Variants in SH3D19 observed in about 807,000 individuals in gnomAD.
SH3D19 encodes SH3 domain containing 19, also known as SH3 domain-containing protein 19.
In SH3D19, 58 loss-of-function variants were observed where a neutral mutation model predicts 112.1. The observed-to-expected ratio is 0.52, with a 90% CI of 0.42 to 0.64. The LOEUF is 0.64. Ranked by LOEUF, SH3D19 falls within the 30% of genes least tolerant of loss-of-function variation. SH3D19 has a pLI of 0.00. For synonymous variants in SH3D19, 391 were observed against 448.5 expected (o/e 0.87, Z 1.62); for missense variants, 1,090 against 1,263.4 (o/e 0.86, Z 2.08).
intron 2 of SH3D19, among the ~76,000 whole-genome samples, chr4:151,211,247 G>C (rs1199086907): frequency 2.7e-5 from 4 of 149,802 alleles, no homozygotes; most frequent in Non-Finnish European, 5.9e-5. Flanking sequence ...TCCAGCCTGG[G>C]CAACAAGAGC....
At chr4:151,255,609 A>C (rs1471343617) in intron 1 of SH3D19, among the ~76,000 whole-genome samples, 9 of 151,808 alleles carry the variant, frequency 5.9e-5, no homozygotes, top group Non-Finnish European at 8.8e-5. Context: ...GACGCTCCTC[A>C]CTTCCCAGAC....
chr4:151,203,386 T>C (rs1764669791), intron 2 of SH3D19, among the ~76,000 whole-genome samples: 2 of 152,252 alleles, frequency 1.3e-5, no homozygotes, highest in African/African-American at 2.4e-5. Flanking sequence ...TTATTTATTT[T>C]TGCAAGTAGC....
intron 1 of SH3D19, among the ~76,000 whole-genome samples, chr4:151,285,475 G>A (rs1774655944): frequency 6.6e-6 from 1 of 152,120 alleles, no homozygotes; most frequent in Admixed American, 6.6e-5. Flanking sequence ...CAAATATGTG[G>A]AAAGTAACAC....
rs1561175748 is a variant in SH3D19, at chr4:151,121,446, A to T, written c.*645T>A. 6.6e-6 allele frequency: 1 copy of T among 151,234 alleles called. No homozygotes were observed. The highest frequency in any genetic ancestry group is 2.1e-4 in the South Asian group (1 of 4,744). The allele number at this position is 151,234 out of a possible 1,614,324, so 9.4% of individuals were successfully genotyped here. ...TTTGGTTCTTTAGACTAAGTAAGAT[A>T]CATCCAATTTAGACCCCCTTCAAAT... On this transcript the variant is annotated 3_prime_UTR_variant, in exon 20 of 20. Coordinates refer to ENST00000604030, the MANE Select transcript of SH3D19 (RefSeq NM_001378122.1).
In SH3D19 at chr4:151,234,735, G is replaced by GTTT. The variant is rs541665981; in HGVS notation, c.113-8652_113-8650dup. ...GTTTTTGTTTTCTTTCCAAGTTTGTGTTTTTTTTTTTTTTTTTTTTTTTTT... is the reference window on the plus strand; with the variant it reads ...GTTTTTGTTTTCTTTCCAAGTTTGTGTTTTTTTTTTTTTTTTTTTTTTTTTTTT... On this transcript the variant is annotated intron_variant, in intron 1 of 19. Coordinates refer to ENST00000604030, the MANE Select transcript of SH3D19 (RefSeq NM_001378122.1). Among the ~76,000 whole-genome samples, 141 of 25,054 alleles carry GTTT rather than the reference G, an allele frequency of 5.6e-3. 10 individuals are homozygous for GTTT. The highest frequency in any genetic ancestry group is 0.012 in the African/African-American group (131 of 10,800). 16.4% of individuals were successfully genotyped at this position (25,054 alleles called of 152,430 possible). A position where few individuals can be genotyped will look rare whatever the true frequency, so the allele number is the denominator to read the frequency against.
At chr4:151,141,941 A>G (rs1227377635) in intron 12 of SH3D19, among the ~76,000 whole-genome samples, 1 of 152,224 alleles carries the variant, frequency 6.6e-6, no homozygotes, top group Non-Finnish European at 1.5e-5. Context: ...GTGTATGGAT[A>G]TCACTGGCAA....
chr4:151,318,248 C>T (rs534539110), intron 1 of SH3D19, among the ~76,000 whole-genome samples: 1 of 146,290 alleles, frequency 6.8e-6, no homozygotes, highest in South Asian at 2.2e-4. Flanking sequence ...TTGCAGTGAG[C>T]CAAGATCGCG....
At chr4:151,255,058 C>T (rs1385725324) in intron 1 of SH3D19, among the ~76,000 whole-genome samples, 4 of 146,588 alleles carry the variant, frequency 2.7e-5, no homozygotes, top group Admixed American at 6.7e-5. Flanking sequence ...CCGGACGGGG[C>T]GGCTGGCCGG....
intron 7 of SH3D19, among the ~76,000 whole-genome samples, chr4:151,171,072 A>G (rs1351392496): frequency 2.5e-4 from 38 of 152,230 alleles, no homozygotes; most frequent in Non-Finnish European, 4.4e-5. Context: ...TGGATGTACT[A>G]TAATTTATTT....
chr4:151,161,634 A>AT (rs1214618148), intron 8 of SH3D19, among the ~76,000 whole-genome samples: 5 of 141,918 alleles, frequency 3.5e-5, no homozygotes, highest in African/African-American at 1.3e-4. Context: ...ATATATATAT[A>AT]TATATATTTT....
At chr4:151,279,952 T>C (rs1257627399) in intron 1 of SH3D19, 3 of 1,613,248 alleles carry the variant, frequency 1.9e-6, no homozygotes, top group Admixed American at 1.7e-5. Context: ...GCACACTGCA[T>C]ACAACCGTGA....
chr4:151,270,662 C>T (rs768992523), intron 1 of SH3D19, among the ~76,000 whole-genome samples: 5 of 152,152 alleles, frequency 3.3e-5, no homozygotes, highest in Non-Finnish European at 7.3e-5. Context: ...TTGAGTAATG[C>T]ATTGCCCTAC....
chr4:151,236,224 T>C (rs1449247939), intron 1 of SH3D19, among the ~76,000 whole-genome samples: 1 of 152,372 alleles, frequency 6.6e-6, no homozygotes, highest in Admixed American at 6.5e-5. Flanking sequence ...GCCGGCTCCC[T>C]CAGCTCGTGG....
chr4:151,231,707 T>C (rs1769622747), intron 1 of SH3D19, among the ~76,000 whole-genome samples: 1 of 152,154 alleles, frequency 6.6e-6, no homozygotes, highest in African/African-American at 2.4e-5. Context: ...ACAGAGAAGT[T>C]TACATGGCTG....
In SH3D19 at chr4:151,165,626, C is replaced by T. The variant is rs1236542299; in HGVS notation, c.1605G>A (p.Lys535=). ...TGGCTGGAATTCGAATTACAGTGGG[C>T]TTCCTGGTGGGTGCTGGTTGAACTG... The part of the protein sequence containing the change: ...ERAVQPAPTR[K]PTVIRIPAKP... Residue 535 remains lysine (K), a synonymous_variant, in exon 8 of 20, where the codon AAG becomes AAA. Coordinates refer to ENST00000604030, the MANE Select transcript of SH3D19 (RefSeq NM_001378122.1). The T allele has an allele frequency of 6.2e-7, 1 of 1,613,974 alleles. No homozygotes were observed. The highest frequency in any genetic ancestry group is 1.3e-5 in the African/African-American group (1 of 74,918).
chr4:151,196,303 C>T (rs1763461795), intron 2 of SH3D19, among the ~76,000 whole-genome samples: 1 of 152,122 alleles, frequency 6.6e-6, no homozygotes, highest in Non-Finnish European at 1.5e-5. Flanking sequence ...TGCGTGCCTG[C>T]CTGTAGTTCC....
At chr4:151,143,084 A>T (rs1753293926) in intron 12 of SH3D19, among the ~76,000 whole-genome samples, 1 of 152,096 alleles carries the variant, frequency 6.6e-6, no homozygotes. Flanking sequence ...AAAAAATTTT[A>T]AAAATTGCCA....
chr4:151,149,024 G>A (rs896349740), intron 10 of SH3D19, among the ~76,000 whole-genome samples: 2 of 151,838 alleles, frequency 1.3e-5, no homozygotes, highest in African/African-American at 2.4e-5. Flanking sequence ...GTGACAGAGG[G>A]AGACTCCATC....
At chr4:151,273,171 A>T (rs1429534927) in intron 1 of SH3D19, among the ~76,000 whole-genome samples, 1 of 152,160 alleles carries the variant, frequency 6.6e-6, no homozygotes, top group African/African-American at 2.4e-5. Flanking sequence ...ACTAAATTTA[A>T]CAGATACCAA....
Sources: gnomAD v4.1 joint callset for allele counts (sites outside exome capture counted in the v4.1 genomes callset) on GRCh38, gnomAD v4.1.1 for gene constraint, MANE v1.5 for transcripts, NCBI Gene and HGNC (gene_info 2026-07-23, HGNC 2026-07-21) for gene names.